Variants in RSF1 observed in about 807,000 individuals in gnomAD.
RSF1 encodes the protein remodeling and spacing factor 1.
RSF1 carries 13 observed loss-of-function variants against 145.2 expected under a neutral mutation model. That is an observed-to-expected ratio of 0.09 (90% CI 0.06 to 0.14). RSF1 has a LOEUF of 0.14. RSF1 is among the 10% of genes least tolerant of loss of function. RSF1 has a pLI of 1.00. For missense variants in RSF1, 1,517 were observed against 1,718.2 expected, an observed-to-expected ratio of 0.88 and a Z score of 2.07; for synonymous variants, 577 against 592.6, an observed-to-expected ratio of 0.97 and a Z score of 0.38.
chr11:77,675,286 T>C, intron 13 of RSF1, 30 bp from the exon 14 acceptor site: 7 of 1,570,966 alleles, frequency 4.5e-6, no homozygotes, highest in Non-Finnish European at 5.2e-6. Context: ...TAAAATACAA[T>C]GGTATTTAGA....
In RSF1 at chr11:77,672,025, G is replaced by A. The variant is rs374526684; in HGVS notation, c.3751+17C>T. 348 of 1,597,168 alleles carry A rather than the reference G, an allele frequency of 2.2e-4. No homozygotes were observed. The African/African-American group carries it at 4.3e-3, about 20-fold the overall frequency. The stretch of plus-strand genomic sequence containing the variant: ...TGCCCTGTCCAAACTTCTATATATA[G>A]GAGACCTATGCCTTACCTTCACTCT... On this transcript the variant is annotated intron_variant, in intron 15 of 15. Transcript: ENST00000308488.
intron 1 of RSF1, among the ~76,000 whole-genome samples, chr11:77,812,723 A>C (rs1191454408): frequency 6.6e-6 from 1 of 151,992 alleles, no homozygotes; most frequent in African/African-American, 2.4e-5. Context: ...CCCCATCTCT[A>C]CTAAGAATGC....
intron 1 of RSF1, among the ~76,000 whole-genome samples, chr11:77,805,474 G>T (rs1331961149): frequency 1.3e-5 from 2 of 151,908 alleles, no homozygotes; most frequent in African/African-American, 4.8e-5. Flanking sequence ...AGAAAAGACA[G>T]ATTATCTCAC....
Position 77,678,241 on chromosome 11 carries a change from G to A in RSF1, c.3066-88C>T, listed in dbSNP as rs1008073228. The A allele has an allele frequency of 5.8e-5, 42 of 726,982 alleles. No individual in the cohort carries two copies. The Admixed American group carries it at 1.4e-3, about 24-fold the overall frequency. 45.0% of individuals were successfully genotyped at this position (726,982 alleles called of 1,614,324 possible). On this transcript the variant is annotated intron_variant, in intron 11 of 15. Transcript: ENST00000308488. ...ATTTTTATTTATTTATTTTTGAGAC[G>A]GAGTCTCTCTTTGTTGCCAGGCTGG... is the stretch of plus-strand genomic sequence containing the variant.
At chr11:77,726,468 T>C (rs1961056250) in intron 4 of RSF1, among the ~76,000 whole-genome samples, 3 of 152,082 alleles carry the variant, frequency 2.0e-5, no homozygotes, top group South Asian at 2.1e-4. Context: ...ATCTGGCAAA[T>C]AAAATCCTAT....
At chr11:77,719,176 G>A (rs1960887766) in intron 5 of RSF1, among the ~76,000 whole-genome samples, 1 of 152,180 alleles carries the variant, frequency 6.6e-6, no homozygotes, top group Non-Finnish European at 1.5e-5. Flanking sequence ...GGAGGTTACA[G>A]TGAGTTGTGA....
chr11:77,833,129 G>C, the RSF1 span, among the ~76,000 whole-genome samples: 1 of 149,880 alleles, frequency 6.7e-6, no homozygotes, highest in Non-Finnish European at 1.5e-5. Context: ...TCCTGCCTCG[G>C]CTTTGGAGTA....
intron 1 of RSF1, among the ~76,000 whole-genome samples, chr11:77,786,293 T>C (rs916647664): frequency 3.3e-5 from 5 of 152,216 alleles, no homozygotes; most frequent in Non-Finnish European, 7.3e-5. Context: ...AAGTATCCTA[T>C]GTTGTGCTTA....
At chr11:77,783,392 C>T (rs981446048) in intron 1 of RSF1, among the ~76,000 whole-genome samples, 1 of 152,178 alleles carries the variant, frequency 6.6e-6, no homozygotes, top group Admixed American at 6.5e-5. Flanking sequence ...TCCAAGTTTT[C>T]ATCCGAAGAT....
At chr11:77,790,358 C>A (rs1948504558) in intron 1 of RSF1, among the ~76,000 whole-genome samples, 1 of 152,042 alleles carries the variant, frequency 6.6e-6, no homozygotes, top group Admixed American at 6.6e-5. Flanking sequence ...GAAAGACCTG[C>A]CCTCATGTTT....
chr11:77,729,799 T>G (rs1961152453), intron 4 of RSF1, among the ~76,000 whole-genome samples: 1 of 147,786 alleles, frequency 6.8e-6, no homozygotes, highest in Non-Finnish European at 1.5e-5. Flanking sequence ...ACAGTATAAA[T>G]ATAACAAGCC....
At chr11:77,841,000 A>G in the RSF1 span, 2 of 517,534 alleles carry the variant, frequency 3.9e-6, no homozygotes, top group East Asian at 5.7e-5. Flanking sequence ...TATAATGAAA[A>G]TAATTTTTTT....
chr11:77,745,723 G>GAACT (rs1331811721), intron 3 of RSF1, among the ~76,000 whole-genome samples: 7 of 150,848 alleles, frequency 4.6e-5, no homozygotes, highest in African/African-American at 1.7e-4. Context: ...TAGATTGGAA[G>GAACT]AACTAACTAA....
At chr11:77,741,014 A>T (rs771112653) in intron 3 of RSF1, 78 bp from the exon 4 acceptor site, 4 of 1,090,282 alleles carry the variant, frequency 3.7e-6, no homozygotes, top group African/African-American at 1.6e-5. Flanking sequence ...CAACCGTAGA[A>T]TTGATTCAGG....
At position 77,666,289 on chromosome 11, in the gene RSF1, GTTAA is replaced by G. The variant is rs1226836553; in HGVS notation, c.*624_*627del. The G allele has an allele frequency of 2.0e-5, 3 of 152,314 alleles. No individual in the cohort carries two copies. Among genetic ancestry groups the G allele is most frequent in the Admixed American group, 6.6e-5 (1 of 15,256 alleles). The allele number at this position is 152,314 out of a possible 1,614,324, so 9.4% of individuals were successfully genotyped here. On this transcript the variant is annotated 3_prime_UTR_variant, in exon 16 of 16. Coordinates refer to ENST00000308488, the MANE Select transcript of RSF1 (RefSeq NM_016578.4). ...AAACTCTGCTATAACAAAAATTTAG[GTTAA>G]TTATGATGGTACTTTCACTGTCTCT... is the stretch of plus-strand genomic sequence containing the variant.
In RSF1 at chr11:77,676,856, C is replaced by T. The variant is rs1453420191; in HGVS notation, c.3277G>A (p.Asp1093Asn). The change falls in exon 13 of 16, where the codon GAT becomes AAT. Residue 1093 changes from aspartate to asparagine, a missense_variant. This residue lies in a region of RSF1 where 231 missense variants were observed against 276.6 expected (regional missense o/e 0.84). Coordinates refer to ENST00000308488, the MANE Select transcript of RSF1 (RefSeq NM_016578.4). ...TCCAGGTTGCTATCACTGTCCAGAT[C>T]ATTTAATCGCCGGCGTTTCTTCCTT... is the stretch of plus-strand genomic sequence containing the variant. ...ARRKKRRRLN[D>N]LDSDSNLDEE... is the part of the protein sequence containing the mutation. The T allele has an allele frequency of 6.2e-7, 1 of 1,614,086 alleles. No individual in the cohort carries two copies. Among genetic ancestry groups the T allele is most frequent in the Non-Finnish European group, 8.5e-7 (1 of 1,179,992 alleles).
At chr11:77,866,816 A>G in the RSF1 span, 1 of 151,926 alleles carries the variant, frequency 6.6e-6, no homozygotes, top group East Asian at 1.9e-4. Context: ...ACTCATATTC[A>G]TCCTCCCCAT....
chr11:77,788,605 A>G (rs989885227), intron 1 of RSF1, among the ~76,000 whole-genome samples: 1 of 152,114 alleles, frequency 6.6e-6, no homozygotes, highest in Non-Finnish European at 1.5e-5. Context: ...AAGGTATCCA[A>G]TATAATGAAA....
At chr11:77,834,415 T>C in the RSF1 span, among the ~76,000 whole-genome samples, 1 of 150,882 alleles carries the variant, frequency 6.6e-6, no homozygotes, top group African/African-American at 2.4e-5. Flanking sequence ...TCTTTTATGA[T>C]GAATTTCATG....
Sources: allele counts gnomAD v4.1 joint callset (sites outside exome capture counted in the v4.1 genomes callset), GRCh38; gene constraint gnomAD v4.1.1; regional missense constraint gnomAD v4.1.1; transcripts MANE v1.5; gene names NCBI Gene and HGNC (gene_info 2026-07-23, HGNC 2026-07-21).